Variants in ITPRID1 observed in about 807,000 individuals in gnomAD.
ITPRID1 encodes protein ITPRID1.
Under a neutral mutation model 95.4 loss-of-function variants are expected in ITPRID1, and 96 were observed. The observed-to-expected ratio is 1.01, with a 90% CI of 0.85 to 1.19. The LOEUF (loss-of-function observed/expected upper bound fraction) is 1.19, where lower values mean the gene tolerates loss of function less well. ITPRID1 is among the 50% of genes most tolerant of loss of function. The pLI is 0.00. For missense variants in ITPRID1, 1,339 were observed against 1,252.9 expected, an observed-to-expected ratio of 1.07 and a Z score of -1.04; for synonymous variants, 510 against 453.6, an observed-to-expected ratio of 1.12 and a Z score of -1.58.
chr7:31,522,070 G>C lies in ITPRID1; in HGVS notation c.-98+7950G>C, dbSNP rs188434587. 4.6e-5 allele frequency among the ~76,000 whole-genome samples: 7 copies of C among 152,146 alleles called. No individual in the cohort carries two copies. In the South Asian group the frequency reaches 6.2e-4, roughly 14 times the overall value. On this transcript the variant is annotated intron_variant, in intron 1 of 14. Coordinates refer to ENST00000615280, the MANE Select transcript of ITPRID1 (RefSeq NM_001257967.3). Reference sequence around the variant, plus strand: ...TTTTTATTTTCTTACCCCAAAATTAGTGAGCAAGTCTTTTTCTAACTAAGC... The same window carrying C: ...TTTTTATTTTCTTACCCCAAAATTACTGAGCAAGTCTTTTTCTAACTAAGC...
chr7:31,550,922 C>T lies in ITPRID1; in HGVS notation c.-24+1423C>T, dbSNP rs1055239060. Among the ~76,000 whole-genome samples the T allele has an allele frequency of 3.5e-5, 5 of 143,182 alleles. 1 individual carries two copies. In the Admixed American group the frequency reaches 3.5e-4, roughly 10 times the overall value. The allele number at this position is 143,182 out of a possible 152,430, so 93.9% of individuals were successfully genotyped here. On this transcript the variant is annotated intron_variant, in intron 2 of 14. Transcript: ENST00000615280. Reference sequence around the variant, plus strand: ...CCAGGGTTACATTTGAAAAAGCAGTCACTAACTTAAAATTTGGCATTATGA... The same window carrying T: ...CCAGGGTTACATTTGAAAAAGCAGTTACTAACTTAAAATTTGGCATTATGA...
intron 7 of ITPRID1, among the ~76,000 whole-genome samples, chr7:31,573,064 C>G (rs1474608546): frequency 6.6e-6 from 1 of 152,146 alleles, no homozygotes; most frequent in Non-Finnish European, 1.5e-5. Flanking sequence ...TCAGTGTAAT[C>G]AAGTGATTGG....
intron 10 of ITPRID1, among the ~76,000 whole-genome samples, chr7:31,592,848 A>T (rs1473351039): frequency 3.3e-5 from 5 of 152,190 alleles, no homozygotes; most frequent in Admixed American, 3.3e-4. Flanking sequence ...CAAGTAATAA[A>T]ACCAAGGAAG....
In ITPRID1 at chr7:31,588,660, T is replaced by TA. The variant is rs566999290; in HGVS notation, c.1228+5477dup. Among the ~76,000 whole-genome samples, 498 of 95,906 alleles carry TA rather than the reference T, an allele frequency of 5.2e-3. 4 individuals are homozygous for TA. The highest frequency in any genetic ancestry group is 0.015 in the African/African-American group (395 of 26,824). 62.9% of individuals were successfully genotyped at this position (95,906 alleles called of 152,430 possible). ...AAAAAAAATTAGAAGTCTTATGAGT[T>TA]AAAAAAAATCAGAATATAAAATTTG... On this transcript the variant is annotated intron_variant, in intron 10 of 14. Transcript: ENST00000615280.
chr7:31,611,586 C>T (rs902956584), intron 10 of ITPRID1, among the ~76,000 whole-genome samples: 7 of 151,424 alleles, frequency 4.6e-5, no homozygotes, highest in Admixed American at 3.9e-4. Context: ...ATCCTGTATT[C>T]TATAGAATTC....
rs559238364 is a variant in ITPRID1 at position 31,564,084 on chromosome 7, ATCAG to A, written c.257-5669_257-5666del. Among the ~76,000 whole-genome samples the A allele has an allele frequency of 8.4e-4, 128 of 152,316 alleles. 1 individual carries two copies. The highest frequency in any genetic ancestry group is 2.7e-3 in the Admixed American group (41 of 15,300). ...CCAAAGAACCAAATGTCTTCCATGA[ATCAG>A]TCAGAAATGCTTAGGAAAACCAAAA... On this transcript the variant is annotated intron_variant, in intron 5 of 14. Transcript: ENST00000615280.
At chr7:31,602,398 C>CTTT (rs35209892) in intron 10 of ITPRID1, among the ~76,000 whole-genome samples, 2 of 151,898 alleles carry the variant, frequency 1.3e-5, no homozygotes, top group Middle Eastern at 3.2e-3. Flanking sequence ...TATTTTGTGA[C>CTTT]TTTTTTTTAC....
At position 31,642,211 on chromosome 7, in the gene ITPRID1, G is replaced by C. The variant is rs1456307021; in HGVS notation, c.1264G>C (p.Asp422His). The change falls in exon 11 of 15, where the codon GAC becomes CAC. Residue 422 changes from aspartate (D) to histidine (H), a missense_variant. Asp to His is a moderately conservative substitution (Grantham distance 81). Transcript: ENST00000615280. ...RVDRANSCQS[D>H]SSGFLEEPLE... ...GGACAGAGCAAATAGCTGCCAGTCT[G>C]ACAGCAGCGGGTTCCTGGAGGAGCC... is the stretch of plus-strand genomic sequence containing the variant. 6 of 1,561,262 alleles carry C rather than the reference G, an allele frequency of 3.8e-6. No homozygotes were observed. Among genetic ancestry groups the C allele is most frequent in the Non-Finnish European group, 2.6e-6 (3 of 1,153,486 alleles).
chr7:31,625,717 A>G (rs1467681746), intron 10 of ITPRID1, among the ~76,000 whole-genome samples: 4 of 152,202 alleles, frequency 2.6e-5, no homozygotes, highest in African/African-American at 4.8e-5. Context: ...TCACATGTAT[A>G]CATATGTACC....
chr7:31,651,380 G>T (rs566574293), intron 13 of ITPRID1, 111 bp downstream of exon 13: 7 of 1,255,182 alleles, frequency 5.6e-6, no homozygotes, highest in East Asian at 2.7e-5. Flanking sequence ...ATGAGAAACC[G>T]GCCAGCTTTT....
At chr7:31,623,470 A>G (rs1350197752) in intron 10 of ITPRID1, among the ~76,000 whole-genome samples, 1 of 151,980 alleles carries the variant, frequency 6.6e-6, no homozygotes, top group Non-Finnish European at 1.5e-5. Context: ...CAATAAATGT[A>G]ATCAAGCACA....
At chr7:31,638,848 C>T (rs1789735458) in intron 10 of ITPRID1, among the ~76,000 whole-genome samples, 1 of 152,154 alleles carries the variant, frequency 6.6e-6, no homozygotes, top group Non-Finnish European at 1.5e-5. Flanking sequence ...CCAATCTCAG[C>T]TTACTACAAC....
At chr7:31,627,466 T>C (rs1278015070) in intron 10 of ITPRID1, among the ~76,000 whole-genome samples, 2 of 151,982 alleles carry the variant, frequency 1.3e-5, no homozygotes, top group Non-Finnish European at 2.9e-5. Flanking sequence ...AAGACCAGCC[T>C]GGGCAACATG....
chr7:31,530,157 G>A (rs1783549862), intron 1 of ITPRID1, among the ~76,000 whole-genome samples: 1 of 152,162 alleles, frequency 6.6e-6, no homozygotes, highest in Admixed American at 6.5e-5. Flanking sequence ...TAGCCTCTAT[G>A]TTCTGAATAC....
chr7:31,578,977 C>T lies in ITPRID1; in HGVS notation c.1170+543C>T, dbSNP rs78158313. Among the ~76,000 whole-genome samples the T allele has an allele frequency of 6.5e-3, 991 of 152,258 alleles. 10 individuals carry two copies. Among genetic ancestry groups the T allele is most frequent in the African/African-American group, 0.023 (960 of 41,544 alleles). ...ACAATGCCTAACACAGGGCCTCAGA[C>T]AAAGCTGTAGGGACTTGGGTATGGT... On this transcript the variant is annotated intron_variant, in intron 9 of 14. Coordinates refer to ENST00000615280, the MANE Select transcript of ITPRID1 (RefSeq NM_001257967.3).
chr7:31,626,102 T>C (rs1179212913), intron 10 of ITPRID1, among the ~76,000 whole-genome samples: 3 of 152,214 alleles, frequency 2.0e-5, no homozygotes, highest in African/African-American at 4.8e-5. Flanking sequence ...GGTTGTAAAC[T>C]TGGCAAAAAC....
At chr7:31,532,013 A>G (rs1783614444) in intron 1 of ITPRID1, among the ~76,000 whole-genome samples, 1 of 152,204 alleles carries the variant, frequency 6.6e-6, no homozygotes, top group Admixed American at 6.6e-5. Flanking sequence ...ATGTCAGGGC[A>G]GTAACTATAT....
At chr7:31,577,800 C>G in intron 8 of ITPRID1, 63 bp from the exon 9 acceptor site, 2 of 1,375,380 alleles carry the variant, frequency 1.5e-6, no homozygotes, top group Non-Finnish European at 2.0e-6. Context: ...GTTTTGACTA[C>G]GTTAATATGG....
intron 1 of ITPRID1, among the ~76,000 whole-genome samples, chr7:31,516,679 A>C (rs1430533709): frequency 6.6e-6 from 1 of 152,246 alleles, no homozygotes; most frequent in Non-Finnish European, 1.5e-5. Flanking sequence ...GATAAACTCA[A>C]TTAGAGCCTA....
Sources: allele counts gnomAD v4.1 joint callset (sites outside exome capture counted in the v4.1 genomes callset), GRCh38; gene constraint gnomAD v4.1.1; transcripts MANE v1.5; gene names NCBI Gene and HGNC (gene_info 2026-07-23, HGNC 2026-07-21).